The following SCMH1 variants were observed in gnomAD, a reference collection of about 807,000 sequenced individuals.
The protein encoded by SCMH1 is Scm polycomb group protein homolog 1, also known as polycomb protein SCMH1.
SCMH1 carries 37 observed loss-of-function variants against 70.8 expected under a neutral mutation model. That is an observed-to-expected ratio of 0.52 (90% CI 0.40 to 0.69). The LOEUF (loss-of-function observed/expected upper bound fraction) is 0.69, where lower values mean the gene tolerates loss of function less well. Ranked by LOEUF, SCMH1 falls within the 30% of genes least tolerant of loss-of-function variation. The pLI is 0.00. For missense variants in SCMH1, 607 were observed against 827.3 expected (o/e 0.73, Z 3.27); for synonymous variants, 292 against 307.4 (o/e 0.95, Z 0.52).
chr1:41,148,538 T>C (rs1040100827), intron 5 of SCMH1, among the ~76,000 whole-genome samples: 1 of 152,112 alleles, frequency 6.6e-6, no homozygotes, highest in Non-Finnish European at 1.5e-5. Context: ...GGTTGACAGG[T>C]TTTTTATTTT....
chr1:41,191,736 T>A (rs1367249225), intron 1 of SCMH1, among the ~76,000 whole-genome samples: 2 of 152,182 alleles, frequency 1.3e-5, no homozygotes, highest in Non-Finnish European at 2.9e-5. Flanking sequence ...ATGCATACAA[T>A]ATATATGTAT....
At chr1:41,205,189 G>T (rs1005323606) in intron 1 of SCMH1, among the ~76,000 whole-genome samples, 1 of 152,164 alleles carries the variant, frequency 6.6e-6, no homozygotes, top group Non-Finnish European at 1.5e-5. Flanking sequence ...CATTGGGACT[G>T]GTTGGACAGT....
At chr1:41,086,899 A>AC (rs200889473) in intron 8 of SCMH1, among the ~76,000 whole-genome samples, 11,479 of 150,872 alleles carry the variant, frequency 0.076, 592 homozygotes, top group South Asian at 0.12. Context: ...AAAAAAAAAA[A>AC]AAAAACCCCA....
chr1:41,115,470 C>T (rs1021355298), intron 7 of SCMH1, among the ~76,000 whole-genome samples: 3 of 152,064 alleles, frequency 2.0e-5, no homozygotes, highest in African/African-American at 7.2e-5. Context: ...CAGGGTCTTG[C>T]TCTGTCACCC....
rs545601620 is a variant in SCMH1 at position 41,181,913 on chromosome 1, G to A, written c.13+4208C>T. Reference sequence around the variant, plus strand: ...ACACATGCACACGTATGTTTATTGCGGCACTATTCACAATAGCAAAGACTT... The same window carrying A: ...ACACATGCACACGTATGTTTATTGCAGCACTATTCACAATAGCAAAGACTT... On this transcript the variant is annotated intron_variant, in intron 2 of 14. Transcript: ENST00000337495. Among the ~76,000 whole-genome samples the A allele has an allele frequency of 3.9e-3, 600 of 152,122 alleles. 2 individuals are homozygous for A. The highest frequency in any genetic ancestry group is 0.011 in the African/African-American group (448 of 41,470).
chr1:41,101,029 G>GA (rs566819378), intron 8 of SCMH1, among the ~76,000 whole-genome samples: 48 of 137,506 alleles, frequency 3.5e-4, no homozygotes, highest in South Asian at 9.1e-4. Context: ...GAGGCGGGGA[G>GA]AAAAAAAAAA....
At chr1:41,048,937 G>A (rs1184874235) in intron 10 of SCMH1, 47 bp from the exon 11 acceptor site, 4 of 1,519,370 alleles carry the variant, frequency 2.6e-6, no homozygotes, top group Middle Eastern at 1.7e-4. Context: ...CTCTGGGATA[G>A]AGAAGTCAGA....
In SCMH1 at chr1:41,213,257, G is replaced by C. The variant is rs1044394137; in HGVS notation, c.-117-27007C>G. ...TTTGAATACAGCTGGTGGGTAAAGG[G>C]AAGACACATAGATATGTGATATTTA... On this transcript the variant is annotated intron_variant, in intron 1 of 14. Transcript: ENST00000337495. Among the ~76,000 whole-genome samples, 3 of 152,184 alleles carry C rather than the reference G, an allele frequency of 2.0e-5. No individual in the cohort carries two copies. The East Asian group carries it at 5.8e-4, about 29-fold the overall frequency.
intron 10 of SCMH1, among the ~76,000 whole-genome samples, chr1:41,062,822 G>A (rs562041295): frequency 2.0e-5 from 3 of 151,318 alleles, no homozygotes; most frequent in Admixed American, 1.3e-4. Context: ...GGGAAGCTGA[G>A]GCAGGAGAAT....
chr1:41,132,255 TG>T (rs1557589684), intron 6 of SCMH1, among the ~76,000 whole-genome samples: 1 of 152,226 alleles, frequency 6.6e-6, no homozygotes, highest in Non-Finnish European at 1.5e-5. Flanking sequence ...TGGCGTGAGA[TG>T]GTATCTCACT....
intron 5 of SCMH1, among the ~76,000 whole-genome samples, chr1:41,151,213 T>C (rs897058422): frequency 6.6e-6 from 1 of 152,194 alleles, no homozygotes; most frequent in Admixed American, 6.5e-5. Flanking sequence ...TGGGACTCAG[T>C]GTCAACATTC....
chr1:41,157,908 C>T (rs1327245661), intron 4 of SCMH1, among the ~76,000 whole-genome samples: 1 of 152,136 alleles, frequency 6.6e-6, no homozygotes, highest in Admixed American at 6.5e-5. Context: ...TTTTTAAAAT[C>T]TTTACTGTTT....
intron 1 of SCMH1, among the ~76,000 whole-genome samples, chr1:41,234,660 G>A (rs34813691): frequency 0.11 from 16,342 of 151,456 alleles, 1,252 homozygotes; most frequent in East Asian, 0.27. Flanking sequence ...ATTTTTAGTA[G>A]AGACGGGGTT....
At chr1:41,027,428 G>C (rs1643943574) in exon 15 of SCMH1, 1 of 152,286 alleles carries the variant, frequency 6.6e-6, no homozygotes, top group Admixed American at 6.5e-5. Context: ...GAGCTGTGGT[G>C]GGGGCAGTAT....
chr1:41,084,038 G>A (rs921332328), intron 8 of SCMH1, among the ~76,000 whole-genome samples: 6 of 152,092 alleles, frequency 3.9e-5, no homozygotes, highest in Non-Finnish European at 5.9e-5. Context: ...AGAAATCCTA[G>A]GCATTACCAT....
At chr1:41,226,448 C>T (rs537457977) in intron 1 of SCMH1, among the ~76,000 whole-genome samples, 1 of 152,038 alleles carries the variant, frequency 6.6e-6, no homozygotes, top group Non-Finnish European at 1.5e-5. Context: ...ATAAGGATTA[C>T]TTTTGTAAAT....
At chr1:41,096,598 G>A (rs1366733596) in intron 8 of SCMH1, among the ~76,000 whole-genome samples, 1 of 152,190 alleles carries the variant, frequency 6.6e-6, no homozygotes, top group East Asian at 1.9e-4. Context: ...AGGGTAGATT[G>A]GAGAGGAAAA....
At chr1:41,167,020 C>T (rs1646454213) in intron 2 of SCMH1, among the ~76,000 whole-genome samples, 1 of 151,998 alleles carries the variant, frequency 6.6e-6, no homozygotes, top group Non-Finnish European at 1.5e-5. Context: ...ACATTCCTTC[C>T]ATATCTAATA....
chr1:41,217,058 C>T (rs570382201), intron 1 of SCMH1, among the ~76,000 whole-genome samples: 3 of 152,154 alleles, frequency 2.0e-5, no homozygotes, highest in East Asian at 1.9e-4. Context: ...AATGGGGTAA[C>T]GGGTAGGGAC....
Sources: gnomAD v4.1 joint callset for allele counts (sites outside exome capture counted in the v4.1 genomes callset) on GRCh38, gnomAD v4.1.1 for gene constraint, MANE v1.5 for transcripts, NCBI Gene and HGNC (gene_info 2026-07-23, HGNC 2026-07-21) for gene names.